Variants in LAP3 observed in about 807,000 individuals in gnomAD.
The protein encoded by LAP3 is cytosol aminopeptidase.
Under a neutral mutation model 58.8 loss-of-function variants are expected in LAP3, and 46 were observed. That is an observed-to-expected ratio of 0.78 (90% CI 0.62 to 1.00). The LOEUF (loss-of-function observed/expected upper bound fraction) is 1.00, where lower values mean the gene tolerates loss of function less well. LAP3 is among the 50% of genes least tolerant of loss of function. The pLI is 0.00. For synonymous variants in LAP3, 257 were observed against 237.7 expected, an observed-to-expected ratio of 1.08 and a Z score of -0.75; for missense variants, 615 against 659.1, an observed-to-expected ratio of 0.93 and a Z score of 0.73.
chr4:17,607,837 C>A lies in LAP3; in HGVS notation c.*248C>A. ...TAAATGATTAAAATTTTTAGAACTT[C>A]CTAATCACTTTTCAGAGTATATGTT... On this transcript the variant is annotated 3_prime_UTR_variant, in exon 13 of 13. Coordinates refer to ENST00000226299, the MANE Select transcript of LAP3 (RefSeq NM_015907.3). 3.1e-6 allele frequency: 1 copy of A among 324,344 alleles called. No individual in the cohort carries two copies. The highest frequency in any genetic ancestry group is 5.6e-6 in the Non-Finnish European group (1 of 178,712). The allele number at this position is 324,344 out of a possible 1,614,324, so 20.1% of individuals were successfully genotyped here. A position where few individuals can be genotyped will look rare whatever the true frequency, so the allele number is the denominator to read the frequency against.
intron 4 of LAP3, 35 bp downstream of exon 4, chr4:17,582,428 G>A (rs370817348): frequency 4.5e-5 from 69 of 1,525,300 alleles, no homozygotes; most frequent in Non-Finnish European, 5.8e-5. Flanking sequence ...GAATCCTGAG[G>A]ATCCACTCTT....
At chr4:17,589,844 C>T (rs1713634561) in intron 7 of LAP3, among the ~76,000 whole-genome samples, 1 of 152,152 alleles carries the variant, frequency 6.6e-6, no homozygotes, top group Non-Finnish European at 1.5e-5. Context: ...TGGTGATGCC[C>T]CTGTTTGTAT....
intron 7 of LAP3, 51 bp downstream of exon 7, chr4:17,589,028 A>C: frequency 6.4e-7 from 1 of 1,562,450 alleles, no homozygotes; most frequent in South Asian, 1.2e-5. Context: ...ATTTGTGTGC[A>C]GTTTAATTAC....
chr4:17,582,170 G>T, intron 3 of LAP3, 118 bp from the exon 4 acceptor site: 11 of 822,252 alleles, frequency 1.3e-5, no homozygotes, highest in Non-Finnish European at 1.8e-5. Flanking sequence ...GTTTAGCCCT[G>T]TTGCTGCAGT....
chr4:17,595,183 C>T (rs889237226), intron 7 of LAP3, among the ~76,000 whole-genome samples: 7 of 150,696 alleles, frequency 4.6e-5, no homozygotes, highest in African/African-American at 7.3e-5. Context: ...GGACTACAGG[C>T]GCCCACCACC....
chr4:17,594,956 A>G (rs1713792648), intron 7 of LAP3, among the ~76,000 whole-genome samples: 1 of 152,106 alleles, frequency 6.6e-6, no homozygotes, highest in African/African-American at 2.4e-5. Flanking sequence ...ATTTTATGAT[A>G]TAGTAATGTT....
At chr4:17,580,883 TA>T (rs1354878571) in intron 2 of LAP3, among the ~76,000 whole-genome samples, 1 of 152,234 alleles carries the variant, frequency 6.6e-6, no homozygotes, top group East Asian at 1.9e-4. Flanking sequence ...ATTCGGATTA[TA>T]GATAGCCTAT....
At chr4:17,584,704 T>C in intron 5 of LAP3, 1 of 288,162 alleles carries the variant, frequency 3.5e-6, no homozygotes, top group East Asian at 6.9e-5. Flanking sequence ...CAGGCCCTTT[T>C]TCATGTAGAT....
At chr4:17,593,399 T>A (rs1026988892) in intron 7 of LAP3, among the ~76,000 whole-genome samples, 16 of 151,988 alleles carry the variant, frequency 1.1e-4, no homozygotes, top group Non-Finnish European at 2.4e-4. Context: ...CCTTGGCACC[T>A]CGGGTGGAAA....
chr4:17,600,507 A>G (rs1713956592), intron 10 of LAP3, among the ~76,000 whole-genome samples: 1 of 152,174 alleles, frequency 6.6e-6, no homozygotes. Flanking sequence ...AAGTTCTACA[A>G]TTTAAACATA....
At chr4:17,588,779 G>GT (rs1713597521) in intron 6 of LAP3, 40 bp from the exon 7 acceptor site, 1 of 1,551,168 alleles carries the variant, frequency 6.4e-7, no homozygotes, top group African/African-American at 1.4e-5. Flanking sequence ...TGAAATAAAG[G>GT]TAACAGTATA....
chr4:17,587,944 ATTT>A (rs796220201), intron 6 of LAP3, among the ~76,000 whole-genome samples: 1 of 141,422 alleles, frequency 7.1e-6, no homozygotes, highest in Non-Finnish European at 1.6e-5. Context: ...CTGTTGGTTG[ATTT>A]TTTTTTTTTT....
In LAP3 at chr4:17,581,863, G is replaced by A. The variant is rs181187948; in HGVS notation, c.273+49G>A. The A allele has an allele frequency of 4.3e-6, 6 of 1,399,684 alleles. No individual in the cohort carries two copies. The East Asian group carries it at 1.1e-4, about 27-fold the overall frequency. The allele number at this position is 1,399,684 out of a possible 1,614,324, so 86.7% of individuals were successfully genotyped here. ...GGTAAACCCTCAATGAGCATCTACT[G>A]TACACCAAGTATTGGGGCTGTCTAG... On this transcript the variant is annotated intron_variant, in intron 3 of 12. Transcript: ENST00000226299.
chr4:17,604,828 A>G (rs1714079965), intron 11 of LAP3, among the ~76,000 whole-genome samples, 161 bp downstream of exon 11: 1 of 152,120 alleles, frequency 6.6e-6, no homozygotes, highest in African/African-American at 2.4e-5. Context: ...GTTCAGTGGC[A>G]TTGGGTTTTC....
chr4:17,605,907 C>G (rs1005197755), intron 11 of LAP3, among the ~76,000 whole-genome samples: 4 of 152,208 alleles, frequency 2.6e-5, no homozygotes, highest in Admixed American at 6.5e-5. Context: ...TTGGCTGATT[C>G]ATCTGGTATT....
At position 17,594,282 on chromosome 4, in the gene LAP3, C is replaced by T. The variant is rs985775274; in HGVS notation, c.864-1128C>T. Reference sequence around the variant, plus strand: ...AGAAGAAAAACTTCAAATACAACAGCGTGTTCCCTTTGTCCATGGGGTTTA... The same window carrying T: ...AGAAGAAAAACTTCAAATACAACAGTGTGTTCCCTTTGTCCATGGGGTTTA... On this transcript the variant is annotated intron_variant, in intron 7 of 12. Coordinates refer to ENST00000226299, the MANE Select transcript of LAP3 (RefSeq NM_015907.3). Among the ~76,000 whole-genome samples, 7 of 152,290 alleles carry T rather than the reference C, an allele frequency of 4.6e-5. No individual in the cohort carries two copies. In the East Asian group the frequency reaches 9.6e-4, roughly 21 times the overall value.
At chr4:17,596,133 GC>G in intron 8 of LAP3, among the ~76,000 whole-genome samples, 1 of 151,964 alleles carries the variant, frequency 6.6e-6, no homozygotes. Flanking sequence ...TCTCAGACAT[GC>G]CCCCCTCCTT....
intron 7 of LAP3, among the ~76,000 whole-genome samples, chr4:17,593,344 T>C (rs1713744623): frequency 6.6e-6 from 1 of 152,152 alleles, no homozygotes; most frequent in African/African-American, 2.4e-5. Flanking sequence ...GTTCATTTAC[T>C]TCTGCACTGT....
intron 5 of LAP3, 165 bp from the exon 6 acceptor site, chr4:17,584,807 C>T: frequency 3.3e-6 from 2 of 606,256 alleles, no homozygotes; most frequent in Non-Finnish European, 5.6e-6. Context: ...CCATCTGCTG[C>T]CCTGGGTCAG....
Sources: gnomAD v4.1 joint callset for allele counts (sites outside exome capture counted in the v4.1 genomes callset) on GRCh38, gnomAD v4.1.1 for gene constraint, MANE v1.5 for transcripts, NCBI Gene and HGNC (gene_info 2026-07-23, HGNC 2026-07-21) for gene names.